Variants in FARP1 observed in about 807,000 individuals in gnomAD.
FARP1 encodes the protein FERM, ARH/RhoGEF and pleckstrin domain protein 1.
A neutral mutation model predicts 128.8 loss-of-function variants in FARP1; 52 were observed. The observed-to-expected ratio is 0.40, with a 90% CI of 0.32 to 0.51. The LOEUF (loss-of-function observed/expected upper bound fraction) is 0.51, where lower values mean the gene tolerates loss of function less well. Ranked by LOEUF, FARP1 falls within the 20% of genes least tolerant of loss-of-function variation. FARP1 has a pLI of 0.45. For synonymous variants in FARP1, 580 were observed against 551.8 expected, an observed-to-expected ratio of 1.05 and a Z score of -0.72; for missense variants, 1,333 against 1,367.9, an observed-to-expected ratio of 0.97 and a Z score of 0.40.
At chr13:98,185,245 A>C (rs180850985) in intron 1 of FARP1, among the ~76,000 whole-genome samples, 2 of 152,184 alleles carry the variant, frequency 1.3e-5, no homozygotes, top group African/African-American at 4.8e-5. Context: ...GCTGGTAAAA[A>C]TTCCTGAAAA....
intron 2 of FARP1, among the ~76,000 whole-genome samples, chr13:98,236,985 C>T (rs1045745520): frequency 1.3e-5 from 2 of 150,332 alleles, no homozygotes; most frequent in African/African-American, 4.9e-5. Flanking sequence ...GAGCAAGACT[C>T]TGTCTCAGGG....
chr13:98,268,778 TTGTGTGTGTGTG>T (rs59132299), intron 2 of FARP1, among the ~76,000 whole-genome samples: 17,858 of 148,248 alleles, frequency 0.12, 1,269 homozygotes, highest in African/African-American at 0.19. Context: ...TTTCCCTTCT[TTGTGTGTGTGTG>T]TGTGTGTGTG....
At chr13:98,322,761 C>T (rs1887055131) in intron 2 of FARP1, among the ~76,000 whole-genome samples, 4 of 152,212 alleles carry the variant, frequency 2.6e-5, no homozygotes, top group South Asian at 4.1e-4. Flanking sequence ...TTAAATTTCA[C>T]GGTTATAATA....
chr13:98,322,845 A>G (rs1419066947), intron 2 of FARP1, among the ~76,000 whole-genome samples: 4 of 152,220 alleles, frequency 2.6e-5, no homozygotes, highest in African/African-American at 9.7e-5. Flanking sequence ...TATACCACGC[A>G]TACATGCATG....
In FARP1 at chr13:98,271,005, A is replaced by G. The variant is rs112267980; in HGVS notation, c.171+57592A>G. Among the ~76,000 whole-genome samples, 28 of 152,296 alleles carry G rather than the reference A, an allele frequency of 1.8e-4. 1 individual carries two copies. The highest frequency in any genetic ancestry group is 6.3e-4 in the African/African-American group (26 of 41,580). On this transcript the variant is annotated intron_variant, in intron 2 of 26. Coordinates refer to ENST00000319562, the MANE Select transcript of FARP1 (RefSeq NM_005766.4). ...GAAATCATGATGTAAGACGAGGCGA[A>G]TTGCAGTTGTGTGAGCTCTCTTTTC...
chr13:98,213,122 G>T, intron 1 of FARP1, 98 bp from the exon 2 acceptor site: 1 of 893,608 alleles, frequency 1.1e-6, no homozygotes, highest in Non-Finnish European at 1.7e-6. Flanking sequence ...TGCAGGGGAT[G>T]GAGCCCCCTG....
intron 2 of FARP1, among the ~76,000 whole-genome samples, chr13:98,223,986 C>G (rs557176860): frequency 2.4e-4 from 36 of 152,310 alleles, no homozygotes; most frequent in African/African-American, 6.5e-4. Context: ...CTATAAAATG[C>G]AATTGGCTAT....
intron 5 of FARP1, among the ~76,000 whole-genome samples, chr13:98,374,346 C>T (rs1229311870): frequency 6.6e-6 from 1 of 152,132 alleles, no homozygotes; most frequent in Admixed American, 6.5e-5. Context: ...ATTGCTTGAG[C>T]CCCCAGAGGT....
At chr13:98,332,609 G>A (rs1887558263) in intron 2 of FARP1, 1 of 152,182 alleles carries the variant, frequency 6.6e-6, no homozygotes, top group South Asian at 2.1e-4. Context: ...TTTGATGCAT[G>A]GATTTTCAGT....
At chr13:98,267,786 C>T (rs1452263375) in intron 2 of FARP1, among the ~76,000 whole-genome samples, 1 of 146,802 alleles carries the variant, frequency 6.8e-6, no homozygotes, top group Non-Finnish European at 1.5e-5. Context: ...GGCCTCTGAT[C>T]CTGGGCCTTG....
chr13:98,154,614 C>G (rs1045638555), intron 1 of FARP1, among the ~76,000 whole-genome samples: 3 of 152,118 alleles, frequency 2.0e-5, no homozygotes, highest in Non-Finnish European at 2.9e-5. Context: ...GTGATTATCT[C>G]AAAGACCTGA....
At chr13:98,209,127 G>C (rs1277180670) in intron 1 of FARP1, among the ~76,000 whole-genome samples, 1 of 152,144 alleles carries the variant, frequency 6.6e-6, no homozygotes, top group African/African-American at 2.4e-5. Flanking sequence ...TCCTGCCTCA[G>C]CCTCCCGAGT....
chr13:98,285,265 C>T (rs147540852), intron 2 of FARP1, among the ~76,000 whole-genome samples: 356 of 152,228 alleles, frequency 2.3e-3, no homozygotes, highest in African/African-American at 7.8e-3. Flanking sequence ...CTCCCCACCC[C>T]CCATAACCTG....
chr13:98,418,282 G>GGT (rs1566305922), intron 16 of FARP1, among the ~76,000 whole-genome samples: 8 of 141,320 alleles, frequency 5.7e-5, no homozygotes, highest in African/African-American at 2.0e-4. Flanking sequence ...TTTGTTTTTT[G>GGT]TTTTTTTTTT....
intron 2 of FARP1, among the ~76,000 whole-genome samples, chr13:98,291,268 A>G (rs1298993199): frequency 1.3e-5 from 2 of 152,180 alleles, no homozygotes; most frequent in African/African-American, 4.8e-5. Context: ...GAGAGAATAC[A>G]TTTACGATTT....
chr13:98,258,094 C>T (rs1344739984), intron 2 of FARP1, among the ~76,000 whole-genome samples: 2 of 152,044 alleles, frequency 1.3e-5, no homozygotes, highest in Non-Finnish European at 2.9e-5. Context: ...CTGCCTCAGC[C>T]TCCCGAGTAG....
In FARP1 at chr13:98,364,273, A is replaced by G. The variant is rs561924746; in HGVS notation, c.277-1122A>G. ...AAAAGTTGTACTAATCCATGTATCT[A>G]TCAGTAGAGTAAGATGGTGCCTGCT... On this transcript the variant is annotated intron_variant, in intron 3 of 26. Coordinates refer to ENST00000319562, the MANE Select transcript of FARP1 (RefSeq NM_005766.4). Among the ~76,000 whole-genome samples the G allele has an allele frequency of 2.4e-4, 37 of 152,326 alleles. No homozygotes were observed. In the South Asian group the frequency reaches 7.5e-3, roughly 31 times the overall value.
intron 18 of FARP1, 64 bp downstream of exon 18, chr13:98,431,344 CTG>C: frequency 8.4e-7 from 1 of 1,188,690 alleles, no homozygotes; most frequent in Admixed American, 2.3e-5. Flanking sequence ...TGCTCCCAGA[CTG>C]AGCCCAGCCA....
intron 17 of FARP1, among the ~76,000 whole-genome samples, chr13:98,427,952 A>ATG (rs911541940): frequency 6.6e-6 from 1 of 152,170 alleles, no homozygotes; most frequent in Non-Finnish European, 1.5e-5. Context: ...TCTATAAAGC[A>ATG]TGGAGGGGCA....
Sources: allele counts gnomAD v4.1 joint callset (sites outside exome capture counted in the v4.1 genomes callset), GRCh38; gene constraint gnomAD v4.1.1; transcripts MANE v1.5; gene names NCBI Gene and HGNC (gene_info 2026-07-23, HGNC 2026-07-21).